TGFBR1: variants seen among roughly 807,000 people sequenced by gnomAD.
TGFBR1 encodes transforming growth factor beta receptor 1.
TGFBR1 carries 20 observed loss-of-function variants against 55.1 expected under a neutral mutation model. The ratio of observed to expected loss-of-function variants is 0.36; its 90% CI spans 0.26 to 0.53. The LOEUF is 0.53. Ranked by LOEUF, TGFBR1 falls within the 20% of genes least tolerant of loss-of-function variation. The probability of loss-of-function intolerance (pLI) is 0.91; values close to 1 mark genes in which losing one functional copy is unlikely to be tolerated. For missense variants in TGFBR1, 385 were observed against 617.6 expected, an observed-to-expected ratio of 0.62 and a Z score of 3.99; for synonymous variants, 220 against 214.8, an observed-to-expected ratio of 1.02 and a Z score of -0.21.
At chr9:99,119,200 T>C (rs750677659) in intron 1 of TGFBR1, among the ~76,000 whole-genome samples, 12 of 152,244 alleles carry the variant, frequency 7.9e-5, no homozygotes, top group Admixed American at 1.3e-4. Flanking sequence ...CGCTGTTTGC[T>C]GGCCCAGGTA....
At chr9:99,110,880 T>C (rs1435410874) in intron 1 of TGFBR1, among the ~76,000 whole-genome samples, 1 of 152,222 alleles carries the variant, frequency 6.6e-6, no homozygotes, top group Admixed American at 6.5e-5. Context: ...TATGTACTCT[T>C]TTCCTATACA....
chr9:99,134,827 T>TATATATATATATTTTC (rs1827377637), intron 3 of TGFBR1, among the ~76,000 whole-genome samples: 3 of 110,616 alleles, frequency 2.7e-5, no homozygotes, highest in Non-Finnish European at 5.9e-5. Flanking sequence ...TATATATATA[T>TATATATATATATTTTC]ATATATATAT....
chr9:99,118,244 A>G (rs1037250638), intron 1 of TGFBR1, among the ~76,000 whole-genome samples: 2 of 151,918 alleles, frequency 1.3e-5, no homozygotes, highest in Admixed American at 6.6e-5. Flanking sequence ...TCACTTTTGG[A>G]TTTTCCATGT....
At chr9:99,144,668 T>C in intron 5 of TGFBR1, 64 bp from the exon 6 acceptor site, 1 of 1,601,258 alleles carries the variant, frequency 6.2e-7, no homozygotes, top group Admixed American at 1.7e-5. Flanking sequence ...CTTTTGAACC[T>C]AAAGATGTGA....
chr9:99,105,327 C>T (rs932943260), intron 1 of TGFBR1, 25 bp downstream of exon 1: 4 of 980,214 alleles, frequency 4.1e-6, no homozygotes, highest in Admixed American at 6.4e-5. Flanking sequence ...GGCGGGCGGG[C>T]GACTGCGGGG....
intron 4 of TGFBR1, among the ~76,000 whole-genome samples, chr9:99,141,102 T>C (rs1420324786): frequency 1.3e-5 from 2 of 152,226 alleles, no homozygotes; most frequent in African/African-American, 4.8e-5. Flanking sequence ...CCTTCTATCT[T>C]GTCCATAACC....
chr9:99,144,960 A>G (rs1156791333), intron 6 of TGFBR1, 72 bp downstream of exon 6: 2 of 1,531,096 alleles, frequency 1.3e-6, no homozygotes, highest in Non-Finnish European at 9.0e-7. Flanking sequence ...ATATATACAT[A>G]TCATTGCTGA....
chr9:99,148,397 A>G (rs959215277), intron 8 of TGFBR1, among the ~76,000 whole-genome samples: 1 of 152,238 alleles, frequency 6.6e-6, no homozygotes, highest in African/African-American at 2.4e-5. Flanking sequence ...AAGATTCGTA[A>G]GATGAATTTT....
intron 4 of TGFBR1, among the ~76,000 whole-genome samples, chr9:99,140,717 TCTTC>T (rs1249980962): frequency 6.6e-6 from 1 of 152,246 alleles, no homozygotes; most frequent in Non-Finnish European, 1.5e-5. Context: ...AGTGGTAATT[TCTTC>T]CTTAAGAACA....
chr9:99,153,648 A>G lies in TGFBR1; in HGVS notation c.*4343A>G, dbSNP rs1261473270. 1 of 197,198 alleles carries G rather than the reference A, an allele frequency of 5.1e-6. No homozygotes were observed. The highest frequency in any genetic ancestry group is 2.3e-5 in the African/African-American group (1 of 43,362). 12.2% of individuals were successfully genotyped at this position (197,198 alleles called of 1,614,324 possible). On this transcript the variant is annotated 3_prime_UTR_variant, in exon 9 of 9. Transcript: ENST00000374994. ...AGTGCAAATAAATTACATTTTTCCC[A>G]AGTGCCAGTGGCATATTTTAAAATA...
At chr9:99,147,825 C>T (rs759817077) in intron 8 of TGFBR1, 41 bp downstream of exon 8, 18 of 1,611,890 alleles carry the variant, frequency 1.1e-5, no homozygotes, top group Non-Finnish European at 1.4e-5. Context: ...TTCTAAACTG[C>T]TTCTGCTTAG....
rs1450107791 is a variant in TGFBR1 at position 99,129,115 on chromosome 9, A to T, written c.343+15A>T. Reference sequence around the variant, plus strand: ...TCCAACTACTGGTAAGTTGTATAAAATTTTTTTCCTAGATACTACAAGAAA... The same window carrying T: ...TCCAACTACTGGTAAGTTGTATAAATTTTTTTTCCTAGATACTACAAGAAA... On this transcript the variant is annotated intron_variant, in intron 2 of 8. Coordinates refer to ENST00000374994, the MANE Select transcript of TGFBR1 (RefSeq NM_004612.4). 5 of 1,613,230 alleles carry T rather than the reference A, an allele frequency of 3.1e-6. No individual in the cohort carries two copies. Among genetic ancestry groups the T allele is most frequent in the South Asian group, 2.2e-5 (2 of 91,046 alleles).
chr9:99,115,567 A>G (rs746464167), intron 1 of TGFBR1, among the ~76,000 whole-genome samples: 39 of 152,316 alleles, frequency 2.6e-4, no homozygotes, highest in South Asian at 2.1e-4. Context: ...AAAAGCAGCA[A>G]CTGCCCTTTC....
intron 5 of TGFBR1, among the ~76,000 whole-genome samples, chr9:99,144,522 T>C (rs1300612500): frequency 6.6e-6 from 1 of 152,208 alleles, no homozygotes; most frequent in Non-Finnish European, 1.5e-5. Flanking sequence ...TAAAGCATGT[T>C]ATTGTCCACA....
intron 3 of TGFBR1, among the ~76,000 whole-genome samples, chr9:99,137,494 T>C (rs369926432): frequency 5.6e-4 from 86 of 152,296 alleles, no homozygotes; most frequent in African/African-American, 1.9e-3. Context: ...TTGCCACATA[T>C]ATCCTCTCTC....
chr9:99,142,881 A>G (rs1343811221), intron 5 of TGFBR1, among the ~76,000 whole-genome samples, 178 bp downstream of exon 5: 1 of 152,160 alleles, frequency 6.6e-6, no homozygotes, highest in Admixed American at 6.5e-5. Flanking sequence ...CAACATGACA[A>G]AACCGCATCT....
chr9:99,131,403 C>T (rs1286525384), intron 2 of TGFBR1, among the ~76,000 whole-genome samples: 1 of 152,040 alleles, frequency 6.6e-6, no homozygotes, highest in Non-Finnish European at 1.5e-5. Context: ...AAATAGGATT[C>T]TGTATGATAA....
rs1564171876 is a variant in TGFBR1, at chr9:99,144,891, A to G, written c.1130+3A>G. On this transcript the variant is annotated splice_donor_region_variant and intron_variant, in intron 6 of 8. Coordinates refer to ENST00000374994, the MANE Select transcript of TGFBR1 (RefSeq NM_004612.4). Reference sequence around the variant, plus strand: ...AACCACAGAGTGGGAACAAAAAGGTATACTTTTGAACAACTATATTTAATA... The same window carrying G: ...AACCACAGAGTGGGAACAAAAAGGTGTACTTTTGAACAACTATATTTAATA... The G allele has an allele frequency of 3.1e-6, 5 of 1,613,662 alleles. No homozygotes were observed. The highest frequency in any genetic ancestry group is 1.3e-5 in the African/African-American group (1 of 75,050).
At chr9:99,108,156 A>G (rs1235992417) in intron 1 of TGFBR1, among the ~76,000 whole-genome samples, 3 of 152,136 alleles carry the variant, frequency 2.0e-5, no homozygotes, top group Non-Finnish European at 4.4e-5. Flanking sequence ...ATACTGTTTT[A>G]TGTAAGTCCA....
Sources: allele counts gnomAD v4.1 joint callset (sites outside exome capture counted in the v4.1 genomes callset), GRCh38; gene constraint gnomAD v4.1.1; transcripts MANE v1.5; gene names NCBI Gene and HGNC (gene_info 2026-07-23, HGNC 2026-07-21).